SLC4A8: variants seen among roughly 807,000 people sequenced by gnomAD.
SLC4A8 encodes electroneutral sodium bicarbonate exchanger 1.
A neutral mutation model predicts 125.0 loss-of-function variants in SLC4A8; 40 were observed. The ratio of observed to expected loss-of-function variants is 0.32; its 90% confidence interval spans 0.25 to 0.42. The LOEUF (loss-of-function observed/expected upper bound fraction) is 0.42. SLC4A8 is among the 10% of genes least tolerant of loss of function. The probability of loss-of-function intolerance (pLI) is 1.00; values close to 1 mark genes in which losing one functional copy is unlikely to be tolerated. For missense variants in SLC4A8, 863 were observed against 1,355.1 expected, an observed-to-expected ratio of 0.64 and a Z score of 5.70; for synonymous variants, 456 against 476.0, an observed-to-expected ratio of 0.96 and a Z score of 0.55.
chr12:51,493,686 T>C lies in SLC4A8; in HGVS notation c.2701-18T>C. ...TACCAAATTTAATTTCTGGCCTTTC[T>C]TGTCCTTTTGTCTTCAGTTTATTCC... On this transcript the variant is annotated intron_variant, in intron 19 of 24. Coordinates refer to ENST00000453097, the MANE Select transcript of SLC4A8 (RefSeq NM_001039960.3). 1.9e-6 allele frequency: 3 copies of C among 1,571,876 alleles called. No individual in the cohort carries two copies. The highest frequency in any genetic ancestry group is 2.6e-6 in the Non-Finnish European group (3 of 1,141,698).
intron 2 of SLC4A8, among the ~76,000 whole-genome samples, chr12:51,444,725 C>T (rs1489268039): frequency 1.3e-5 from 2 of 152,280 alleles, no homozygotes; most frequent in Admixed American, 6.5e-5. Flanking sequence ...TCATAGGACT[C>T]GAACATTAGA....
At chr12:51,476,906 C>CTTTTTTTTTTT (rs67928969) in intron 16 of SLC4A8, among the ~76,000 whole-genome samples, 77 of 118,488 alleles carry the variant, frequency 6.5e-4, no homozygotes, top group East Asian at 9.2e-4. Context: ...TTTTTCTTTT[C>CTTTTTTTTTTT]TTTTTTTTTT....
In SLC4A8 at chr12:51,512,110, T is replaced by C. The variant is rs1196616283; in HGVS notation, c.*4672T>C. ...ACCAGCTTACAGACCTTCTGTCAGG[T>C]TGGCTTACATTATCATCAACAGGTT... is the stretch of plus-strand genomic sequence containing the variant. On this transcript the variant is annotated 3_prime_UTR_variant, in exon 25 of 25. Coordinates refer to ENST00000453097, the MANE Select transcript of SLC4A8 (RefSeq NM_001039960.3). The C allele has an allele frequency of 1.3e-5, 2 of 152,244 alleles. No homozygotes were observed. Among genetic ancestry groups the C allele is most frequent in the Non-Finnish European group, 2.9e-5 (2 of 68,048 alleles). 9.4% of individuals were successfully genotyped at this position (152,244 alleles called of 1,614,324 possible).
rs536641739 is a variant in SLC4A8 at position 51,392,878 on chromosome 12, C to G, written c.-112+1390C>G. 59 of 152,296 alleles carry G rather than the reference C, an allele frequency of 3.9e-4. 1 individual carries two copies. Among genetic ancestry groups the G allele is most frequent in the Middle Eastern group, 3.4e-3 (1 of 294 alleles). The allele number at this position is 152,296 out of a possible 1,614,324, so 9.4% of individuals were successfully genotyped here. On this transcript the variant is annotated intron_variant, in intron 1 of 24. Transcript: ENST00000358657. ...TGGGGCCTTAGCAACAGAGAAGGAG[C>G]GCGCATGACTCCAAATAGCCAATAA... is the stretch of plus-strand genomic sequence containing the variant.
intron 20 of SLC4A8, 148 bp from the exon 21 acceptor site, chr12:51,494,797 C>A (rs930530512): frequency 1.7e-6 from 1 of 588,986 alleles, no homozygotes. Flanking sequence ...ATTGCCTGGT[C>A]TTTTAAAGTC....
In SLC4A8 at chr12:51,474,335, C is replaced by A; in HGVS notation, c.1905-7C>A. Reference sequence around the variant, plus strand: ...TCCTCAGGAATCTTTTTAATTTTTCCCCTCAGCTGCAGGTGTACTCTGCCA... The same window carrying A: ...TCCTCAGGAATCTTTTTAATTTTTCACCTCAGCTGCAGGTGTACTCTGCCA... On this transcript the variant is annotated splice_polypyrimidine_tract_variant and splice_region_variant and intron_variant, in intron 14 of 24. Coordinates refer to ENST00000453097, the MANE Select transcript of SLC4A8 (RefSeq NM_001039960.3). The A allele has an allele frequency of 6.5e-7, 1 of 1,538,822 alleles. No homozygotes were observed. Among genetic ancestry groups the A allele is most frequent in the Non-Finnish European group, 8.9e-7 (1 of 1,121,456 alleles).
chr12:51,411,900 A>G (rs555376504), intron 1 of SLC4A8, among the ~76,000 whole-genome samples: 1 of 152,192 alleles, frequency 6.6e-6, no homozygotes, highest in Non-Finnish European at 1.5e-5. Flanking sequence ...TTTCTCTACA[A>G]AAAATACAAA....
intron 1 of SLC4A8, among the ~76,000 whole-genome samples, chr12:51,438,789 G>A (rs1224791212): frequency 6.6e-6 from 1 of 152,132 alleles, no homozygotes; most frequent in Non-Finnish European, 1.5e-5. Flanking sequence ...GCCAGCATTT[G>A]TTATATTTTG....
rs970302940 is a variant in SLC4A8, at chr12:51,471,669, A to G, written c.1904+137A>G. 5 of 963,006 alleles carry G rather than the reference A, an allele frequency of 5.2e-6. No individual in the cohort carries two copies. In the African/African-American group the frequency reaches 8.2e-5, roughly 16 times the overall value. 59.7% of individuals were successfully genotyped at this position (963,006 alleles called of 1,614,324 possible). On this transcript the variant is annotated intron_variant, in intron 14 of 24. Coordinates refer to ENST00000453097, the MANE Select transcript of SLC4A8 (RefSeq NM_001039960.3). Reference sequence around the variant, plus strand: ...TTTAGGAAACGGATCTCAGATACAGACAAGGAGTATTGGAGGGCTGCCAGA... The same window carrying G: ...TTTAGGAAACGGATCTCAGATACAGGCAAGGAGTATTGGAGGGCTGCCAGA...
At chr12:51,450,386 A>G (rs1949926369) in intron 2 of SLC4A8, among the ~76,000 whole-genome samples, 1 of 152,148 alleles carries the variant, frequency 6.6e-6, no homozygotes, top group South Asian at 2.1e-4. Context: ...TCACAGAGAG[A>G]TTAGATAAAT....
chr12:51,459,822 T>C (rs986889677), intron 7 of SLC4A8, 129 bp from the exon 8 acceptor site: 9 of 729,536 alleles, frequency 1.2e-5, no homozygotes, highest in East Asian at 2.6e-5. Flanking sequence ...TGAGCTGAGA[T>C]TGCGCCACTG....
At chr12:51,458,491 A>T (rs1478491862) in intron 6 of SLC4A8, 68 bp from the exon 7 acceptor site, 1 of 1,090,318 alleles carries the variant, frequency 9.2e-7, no homozygotes, top group African/African-American at 1.5e-5. Context: ...CCAACTGATG[A>T]TGGGTGGGAT....
Position 51,495,082 on chromosome 12 carries a change from C to A in SLC4A8, c.2907C>A (p.Ile969=). 6.2e-7 allele frequency: 1 copy of A among 1,613,180 alleles called. No individual in the cohort carries two copies. Among genetic ancestry groups the A allele is most frequent in the Non-Finnish European group, 8.5e-7 (1 of 1,179,382 alleles). ...CCTGTCTCGTCCTGCTCTGGGTCATCAAGGCATCTCCAGCTGCCATTGTTT... is the reference window on the plus strand; with the variant it reads ...CCTGTCTCGTCCTGCTCTGGGTCATAAAGGCATCTCCAGCTGCCATTGTTT... The part of the protein sequence containing the change: ...QLTCLVLLWV[I]KASPAAIVFP... Residue 969 remains isoleucine, a synonymous_variant, in exon 21 of 25, where the codon ATC becomes ATA. Coordinates refer to ENST00000453097, the MANE Select transcript of SLC4A8 (RefSeq NM_001039960.3).
upstream of SLC4A8, among the ~76,000 whole-genome samples, chr12:51,421,399 G>A (rs937996061): frequency 6.6e-6 from 1 of 152,220 alleles, no homozygotes; most frequent in Non-Finnish European, 1.5e-5. Flanking sequence ...GATAGCAGCA[G>A]CCTTAGCTGC....
At chr12:51,422,313 A>G (rs908901947), upstream of SLC4A8, 3 of 151,806 alleles carry the variant, frequency 2.0e-5, no homozygotes, top group Non-Finnish European at 4.4e-5. Context: ...TTTAAGAAAA[A>G]TAAAGTCTGA....
intron 15 of SLC4A8, 133 bp downstream of exon 15, chr12:51,474,580 C>T: frequency 1.3e-5 from 18 of 1,426,200 alleles, no homozygotes; most frequent in Non-Finnish European, 1.7e-5. Flanking sequence ...AAAAACAATT[C>T]TTACTCACTT....
intron 1 of SLC4A8, among the ~76,000 whole-genome samples, chr12:51,409,969 G>A (rs767666281): frequency 7.9e-5 from 12 of 152,184 alleles, no homozygotes; most frequent in Admixed American, 2.6e-4. Flanking sequence ...GTCTCGTTCC[G>A]ATGGCTATCT....
Position 51,489,828 on chromosome 12 carries a change from A to G in SLC4A8, c.2577A>G (p.Leu859=). The G allele has an allele frequency of 6.2e-7, 1 of 1,614,222 alleles. No individual in the cohort carries two copies. The highest frequency in any genetic ancestry group is 8.5e-7 in the Non-Finnish European group (1 of 1,180,030). The part of the protein sequence containing the change: ...LSITHVNSLK[L]ESECSAPGEQ... ...TCACACATGTGAACAGCCTCAAGCT[A>G]GAATCTGAATGCTCTGCTCCTGGAG... The change falls in exon 19 of 25, where the codon CTA becomes CTG. Residue 859 remains leucine, a synonymous_variant. Transcript: ENST00000453097.
intron 1 of SLC4A8, among the ~76,000 whole-genome samples, chr12:51,401,860 G>T (rs149339752): frequency 6.6e-6 from 1 of 152,144 alleles, no homozygotes; most frequent in African/African-American, 2.4e-5. Flanking sequence ...GCCTCCCCAG[G>T]CTCAAGCAAT....
Sources: allele counts gnomAD v4.1 joint callset (sites outside exome capture counted in the v4.1 genomes callset), GRCh38; gene constraint gnomAD v4.1.1; transcripts MANE v1.5; gene names NCBI Gene and HGNC (gene_info 2026-07-23, HGNC 2026-07-21).